The following RNF220 variants were observed in gnomAD, a reference collection of about 807,000 sequenced individuals.
RNF220 encodes the protein E3 ubiquitin-protein ligase RNF220.
RNF220 carries 7 observed loss-of-function variants against 67.1 expected under a neutral mutation model. That is an observed-to-expected ratio of 0.10 (90% CI 0.06 to 0.20). The LOEUF is 0.20. RNF220 is among the 10% of genes least tolerant of loss of function. The probability of loss-of-function intolerance (pLI) is 1.00; values close to 1 mark genes in which losing one functional copy is unlikely to be tolerated. For synonymous variants in RNF220, 270 were observed against 283.2 expected, an observed-to-expected ratio of 0.95 and a Z score of 0.47; for missense variants, 565 against 740.3, an observed-to-expected ratio of 0.76 and a Z score of 2.75.
chr1:44,638,991 A>G (rs1481149612), intron 8 of RNF220, among the ~76,000 whole-genome samples: 2 of 152,220 alleles, frequency 1.3e-5, no homozygotes, highest in Admixed American at 1.3e-4. Flanking sequence ...TCAGAACCAT[A>G]GATTTTCTAA....
intron 2 of RNF220, among the ~76,000 whole-genome samples, chr1:44,567,059 C>A (rs1446636267): frequency 6.6e-6 from 1 of 152,118 alleles, no homozygotes; most frequent in Non-Finnish European, 1.5e-5. Flanking sequence ...GATGGAGAAT[C>A]ACTCCTTTAA....
intron 2 of RNF220, among the ~76,000 whole-genome samples, chr1:44,477,774 C>T (rs1288799534): frequency 6.6e-6 from 1 of 152,168 alleles, no homozygotes. Context: ...ATGCTTGGGT[C>T]ACATCTGCTA....
At chr1:44,611,996 A>C (rs1191372410) in intron 2 of RNF220, among the ~76,000 whole-genome samples, 1 of 152,238 alleles carries the variant, frequency 6.6e-6, no homozygotes, top group Admixed American at 6.5e-5. Context: ...AGGCAGGAGC[A>C]GAGCTGAGAC....
chr1:44,647,861 G>A (rs914254292), intron 12 of RNF220, among the ~76,000 whole-genome samples: 2 of 152,012 alleles, frequency 1.3e-5, no homozygotes, highest in African/African-American at 2.4e-5. Flanking sequence ...TGATTCCCCC[G>A]CCTCAGTCCA....
chr1:44,482,252 A>G (rs1336712573), intron 2 of RNF220, among the ~76,000 whole-genome samples: 2 of 152,202 alleles, frequency 1.3e-5, no homozygotes, highest in African/African-American at 4.8e-5. Context: ...TAGAGAAATA[A>G]TGTTCAAAAA....
intron 2 of RNF220, among the ~76,000 whole-genome samples, chr1:44,527,924 C>T (rs10158339): frequency 3.3e-5 from 3 of 91,970 alleles, no homozygotes; most frequent in South Asian, 4.1e-4. Context: ...AGACTCCATC[C>T]CAAAAAAAAA....
At position 44,645,638 on chromosome 1, in the gene RNF220, C is replaced by T. The variant is rs1412277772; in HGVS notation, c.1445+150C>T. The T allele has an allele frequency of 1.4e-6, 1 of 740,088 alleles. No individual in the cohort carries two copies. Among genetic ancestry groups the T allele is most frequent in the Non-Finnish European group, 2.3e-6 (1 of 441,604 alleles). 45.8% of individuals were successfully genotyped at this position (740,088 alleles called of 1,614,324 possible). A position where few individuals can be genotyped will look rare whatever the true frequency, so the allele number is the denominator to read the frequency against. ...TGGGCACACGGCCGGCAGTGGAGCC[C>T]AGCTGGTGCTAAGCGTGACTCTGTG... is the stretch of plus-strand genomic sequence containing the variant. On this transcript the variant is annotated intron_variant, in intron 12 of 14. Coordinates refer to ENST00000361799, the MANE Select transcript of RNF220 (RefSeq NM_018150.4). This position sits in a 1 kb window ranked among gnomAD's most constrained non-coding sequence, Gnocchi z 5.0.
chr1:44,505,031 G>A (rs1003409644), intron 2 of RNF220, among the ~76,000 whole-genome samples: 1 of 152,112 alleles, frequency 6.6e-6, no homozygotes, highest in Non-Finnish European at 1.5e-5. Flanking sequence ...TGTGCCCCTC[G>A]CTTTCCATGA....
At chr1:44,493,368 G>C (rs909650261) in intron 2 of RNF220, among the ~76,000 whole-genome samples, 1 of 152,038 alleles carries the variant, frequency 6.6e-6, no homozygotes, top group African/African-American at 2.4e-5. Flanking sequence ...ACGAAAATTA[G>C]CCAGGCATGG....
chr1:44,650,894 A>G lies in RNF220; in HGVS notation c.*119A>G. Reference sequence around the variant, plus strand: ...AGGTTCCCCATGTACATACATGCACATACTCAAACATGCGTACACACACAC... The same window carrying G: ...AGGTTCCCCATGTACATACATGCACGTACTCAAACATGCGTACACACACAC... On this transcript the variant is annotated 3_prime_UTR_variant, in exon 15 of 15. Coordinates refer to ENST00000361799, the MANE Select transcript of RNF220 (RefSeq NM_018150.4). The surrounding 1 kb of genome is among the most constrained non-coding windows in gnomAD (Gnocchi z 4.3). 2.4e-6 allele frequency: 2 copies of G among 829,778 alleles called. No homozygotes were observed. Among genetic ancestry groups the G allele is most frequent in the Non-Finnish European group, 4.1e-6 (2 of 492,834 alleles). The allele number at this position is 829,778 out of a possible 1,614,324, so 51.4% of individuals were successfully genotyped here. A position where few individuals can be genotyped will look rare whatever the true frequency, so the allele number is the denominator to read the frequency against.
intron 2 of RNF220, among the ~76,000 whole-genome samples, chr1:44,480,932 C>G (rs989415342): frequency 4.3e-4 from 66 of 152,188 alleles, no homozygotes; most frequent in Non-Finnish European, 8.8e-5. Flanking sequence ...TGAGTTACGT[C>G]AAATGCTCCT....
intron 2 of RNF220, among the ~76,000 whole-genome samples, chr1:44,507,382 T>C (rs779325831): frequency 2.6e-5 from 4 of 151,934 alleles, no homozygotes; most frequent in Non-Finnish European, 4.4e-5. Flanking sequence ...CTCCAGAGCC[T>C]AGTAACTCAT....
At chr1:44,613,093 C>T (rs1245751437) in intron 2 of RNF220, among the ~76,000 whole-genome samples, 1 of 147,078 alleles carries the variant, frequency 6.8e-6, no homozygotes, top group African/African-American at 2.5e-5. Context: ...TCCTCAACCC[C>T]ACACCTGTAA....
chr1:44,553,420 G>T (rs1352767810), intron 2 of RNF220, among the ~76,000 whole-genome samples: 1 of 151,812 alleles, frequency 6.6e-6, no homozygotes, highest in Non-Finnish European at 1.5e-5. Flanking sequence ...ATGCTTCATG[G>T]CATCCAGCTA....
chr1:44,520,486 A>G (rs970363994), intron 2 of RNF220, among the ~76,000 whole-genome samples: 6 of 152,068 alleles, frequency 3.9e-5, no homozygotes, highest in Non-Finnish European at 7.4e-5. Context: ...AAGAAACTAC[A>G]TGACTCTCAG....
At chr1:44,627,050 A>AG (rs1269253703) in intron 5 of RNF220, 1 of 138,942 alleles carries the variant, frequency 7.2e-6, no homozygotes, top group East Asian at 2.1e-4. Flanking sequence ...AAAAAAAAAA[A>AG]AAAAAAAAAA....
At chr1:44,422,753 G>A (rs1342139273) in intron 2 of RNF220, among the ~76,000 whole-genome samples, 1 of 152,190 alleles carries the variant, frequency 6.6e-6, no homozygotes, top group Non-Finnish European at 1.5e-5. Context: ...ATCGTGGGAA[G>A]TGCCTCCTGG....
intron 3 of RNF220, among the ~76,000 whole-genome samples, chr1:44,616,712 TC>T (rs1161452938): frequency 6.6e-6 from 1 of 152,004 alleles, no homozygotes; most frequent in African/African-American, 2.4e-5. Flanking sequence ...TGTAATTTGC[TC>T]CCAGAGGAGG....
intron 2 of RNF220, among the ~76,000 whole-genome samples, chr1:44,491,878 G>C (rs890348356): frequency 2.0e-5 from 3 of 152,124 alleles, no homozygotes; most frequent in Non-Finnish European, 4.4e-5. Context: ...TGGCCAGGCT[G>C]GGCTTGAACT....
Sources: allele counts gnomAD v4.1 joint callset (sites outside exome capture counted in the v4.1 genomes callset), GRCh38; gene constraint gnomAD v4.1.1; non-coding constraint Gnocchi (gnomAD v3.1); transcripts MANE v1.5; gene names NCBI Gene and HGNC (gene_info 2026-07-23, HGNC 2026-07-21).